DAB1: variants seen among roughly 807,000 people sequenced by gnomAD.
The protein encoded by DAB1 is DAB adaptor protein 1, also known as disabled homolog 1.
Under a neutral mutation model 64.6 loss-of-function variants are expected in DAB1, and 15 were observed. The ratio of observed to expected loss-of-function variants is 0.23; its 90% CI spans 0.16 to 0.36. The LOEUF is 0.36. Ranked by LOEUF, DAB1 falls within the 10% of genes least tolerant of loss-of-function variation. The pLI, the probability that DAB1 is intolerant of heterozygous loss-of-function variation, is 1.00. For synonymous variants in DAB1, 235 were observed against 251.9 expected (o/e 0.93, Z 0.64); for missense variants, 596 against 706.7 (o/e 0.84, Z 1.78).
At chr1:57,087,231 G>A (rs1174038850) in intron 4 of DAB1, among the ~76,000 whole-genome samples, 3 of 152,186 alleles carry the variant, frequency 2.0e-5, no homozygotes, top group East Asian at 1.9e-4. Flanking sequence ...AGAGACACAC[G>A]ACCTGCAGGA....
intron 1 of DAB1, among the ~76,000 whole-genome samples, chr1:57,313,930 C>G (rs1391429484): frequency 6.6e-6 from 1 of 152,152 alleles, no homozygotes; most frequent in African/African-American, 2.4e-5. Flanking sequence ...CATCTATGAA[C>G]CAGGAAGTGG....
intron 1 of DAB1, among the ~76,000 whole-genome samples, chr1:57,293,366 A>G (rs1188942417): frequency 1.3e-5 from 2 of 152,112 alleles, no homozygotes; most frequent in African/African-American, 4.8e-5. Context: ...AGCCCCTTAC[A>G]AGCCACATGA....
At chr1:57,635,676 A>G (rs1281975286) in intron 7 of DAB1, among the ~76,000 whole-genome samples, 1 of 152,232 alleles carries the variant, frequency 6.6e-6, no homozygotes, top group East Asian at 1.9e-4. Context: ...AAATTACACA[A>G]TAATTGTAAT....
intron 6 of DAB1, among the ~76,000 whole-genome samples, chr1:57,765,190 C>A (rs1019835926): frequency 2.6e-5 from 4 of 152,076 alleles, no homozygotes; most frequent in Non-Finnish European, 5.9e-5. Flanking sequence ...ATTTTGTCCC[C>A]AAAGAGCACA....
chr1:58,004,690 T>C (rs1646554490), intron 5 of DAB1, among the ~76,000 whole-genome samples: 1 of 152,112 alleles, frequency 6.6e-6, no homozygotes, highest in South Asian at 2.1e-4. Flanking sequence ...GAAAACTGTT[T>C]AAATCGTGCC....
intron 5 of DAB1, among the ~76,000 whole-genome samples, chr1:57,963,470 T>C (rs1539673): frequency 0.42 from 63,618 of 152,052 alleles, 14,120 homozygotes; most frequent in East Asian, 0.78. Flanking sequence ...TCTGTTTGTC[T>C]CTCTTGCTAA....
intron 6 of DAB1, 181 bp downstream of exon 6, chr1:57,071,341 G>A: frequency 2.7e-6 from 2 of 740,146 alleles, no homozygotes; most frequent in Non-Finnish European, 4.3e-6. Context: ...AACATGTCTA[G>A]AGTTTAAGAG....
At chr1:57,417,462 T>A (rs1684577129) in intron 1 of DAB1, among the ~76,000 whole-genome samples, 1 of 152,174 alleles carries the variant, frequency 6.6e-6, no homozygotes, top group African/African-American at 2.4e-5. Flanking sequence ...GCTTAAGTGA[T>A]TCTCTACATT....
At chr1:57,705,104 T>C (rs1348278651) in intron 6 of DAB1, among the ~76,000 whole-genome samples, 1 of 152,136 alleles carries the variant, frequency 6.6e-6, no homozygotes, top group Non-Finnish European at 1.5e-5. Flanking sequence ...CCATAGTCCT[T>C]TACATAGTAT....
intron 7 of DAB1, among the ~76,000 whole-genome samples, chr1:57,462,435 G>T (rs1686816066): frequency 6.6e-6 from 1 of 152,144 alleles, no homozygotes; most frequent in Admixed American, 6.5e-5. Context: ...AGGTGTTCTT[G>T]TGGAGTGAGG....
intron 4 of DAB1, among the ~76,000 whole-genome samples, chr1:58,189,860 C>G (rs1657290924): frequency 6.6e-6 from 1 of 152,182 alleles, no homozygotes; most frequent in Admixed American, 6.5e-5. Flanking sequence ...CACAGGGGTC[C>G]CATGGGCTAC....
intron 1 of DAB1, among the ~76,000 whole-genome samples, chr1:57,402,778 G>T (rs938793926): frequency 1.3e-5 from 2 of 152,194 alleles, no homozygotes; most frequent in African/African-American, 2.4e-5. Context: ...GACAGAGCAA[G>T]ACCAGACAGA....
At chr1:57,251,505 T>C (rs1280646145) in intron 2 of DAB1, among the ~76,000 whole-genome samples, 2 of 152,184 alleles carry the variant, frequency 1.3e-5, no homozygotes, top group African/African-American at 4.8e-5. Context: ...TTGAAAGGTT[T>C]AGTGTATTAT....
At chr1:58,467,823 G>GT (rs1454298909) in intron 3 of DAB1, 3 of 152,240 alleles carry the variant, frequency 2.0e-5, no homozygotes, top group African/African-American at 7.2e-5. Context: ...ACCACGCAGC[G>GT]TAAAATACAA....
intron 7 of DAB1, among the ~76,000 whole-genome samples, chr1:57,558,165 A>C (rs896918541): frequency 6.6e-6 from 1 of 152,212 alleles, no homozygotes; most frequent in Non-Finnish European, 1.5e-5. Context: ...GTAAACTCTG[A>C]TGAAACTTTT....
At chr1:57,399,658 C>G (rs566457610) in intron 1 of DAB1, among the ~76,000 whole-genome samples, 19 of 152,180 alleles carry the variant, frequency 1.2e-4, no homozygotes, top group Non-Finnish European at 1.6e-4. Context: ...TGGTAAGAAG[C>G]CTTCATTTTA....
chr1:58,341,064 T>C (rs1364368563), intron 4 of DAB1, among the ~76,000 whole-genome samples: 1 of 152,200 alleles, frequency 6.6e-6, no homozygotes, highest in Non-Finnish European at 1.5e-5. Flanking sequence ...TGGACCCAGC[T>C]AATGTTAGTG....
chr1:57,524,735 T>C (rs1340730642), intron 7 of DAB1, among the ~76,000 whole-genome samples: 2 of 152,220 alleles, frequency 1.3e-5, no homozygotes, highest in East Asian at 3.9e-4. Context: ...AATGGTGGAA[T>C]GTCATCAGTT....
intron 4 of DAB1, among the ~76,000 whole-genome samples, chr1:58,231,347 C>G (rs961453504): frequency 2.6e-5 from 4 of 152,132 alleles, no homozygotes; most frequent in African/African-American, 9.7e-5. Flanking sequence ...CAGAGCAGAG[C>G]AGGACTGTTT....
Sources: gnomAD v4.1 joint callset for allele counts (sites outside exome capture counted in the v4.1 genomes callset) on GRCh38, gnomAD v4.1.1 for gene constraint, MANE v1.5 for transcripts, NCBI Gene and HGNC (gene_info 2026-07-23, HGNC 2026-07-21) for gene names.